Variants in CATSPERE observed in about 807,000 individuals in gnomAD.
CATSPERE encodes the protein cation channel sperm-associated auxiliary subunit epsilon.
A neutral mutation model predicts 114.1 loss-of-function variants in CATSPERE; 93 were observed. The ratio of observed to expected loss-of-function variants is 0.81; its 90% CI spans 0.69 to 0.97. The LOEUF (loss-of-function observed/expected upper bound fraction) is 0.97, where lower values mean the gene tolerates loss of function less well. Ranked by LOEUF, CATSPERE falls within the 50% of genes least tolerant of loss-of-function variation. CATSPERE has a pLI of 0.00. For synonymous variants in CATSPERE, 341 were observed against 384.1 expected, an observed-to-expected ratio of 0.89 and a Z score of 1.31; for missense variants, 1,058 against 1,131.6, an observed-to-expected ratio of 0.93 and a Z score of 0.93.
chr1:244,567,632 G>T (rs146324603), intron 10 of CATSPERE, among the ~76,000 whole-genome samples: 1 of 151,080 alleles, frequency 6.6e-6, no homozygotes, highest in South Asian at 2.1e-4. Context: ...CTGCTTGATC[G>T]ATTTGGCTAT....
In CATSPERE at chr1:244,573,029, C is replaced by T. The variant is rs1260099255; in HGVS notation, c.1950+257C>T. Among the ~76,000 whole-genome samples, 1 of 145,650 alleles carries T rather than the reference C, an allele frequency of 6.9e-6. No homozygotes were observed. Among genetic ancestry groups the T allele is most frequent in the African/African-American group, 2.5e-5 (1 of 39,912 alleles). On this transcript the variant is annotated intron_variant, in intron 11 of 21. Coordinates refer to ENST00000366534, the MANE Select transcript of CATSPERE (RefSeq NM_001130957.2). The surrounding 1 kb of genome is among the most constrained non-coding windows in gnomAD (Gnocchi z 4.0). ...TCAATTGTATTGTTCACTTCTTCTTCTTTTTTTTTTTAATGCATGGCTTTC... is the reference window on the plus strand; with the variant it reads ...TCAATTGTATTGTTCACTTCTTCTTTTTTTTTTTTTTAATGCATGGCTTTC...
At chr1:244,542,596 G>A (rs1020597595) in intron 8 of CATSPERE, among the ~76,000 whole-genome samples, 2 of 151,950 alleles carry the variant, frequency 1.3e-5, no homozygotes, top group Non-Finnish European at 2.9e-5. Context: ...TTGATTTTCT[G>A]TTTCTGAGTT....
At chr1:244,621,586 G>C (rs61842402) in intron 20 of CATSPERE, among the ~76,000 whole-genome samples, 16,642 of 151,462 alleles carry the variant, frequency 0.11, 991 homozygotes, top group South Asian at 0.14. Flanking sequence ...AAGAAAAGGA[G>C]AAACCACAAA....
rs534607126 is a variant in CATSPERE, at chr1:244,529,356, T to C, written c.536+10658T>C. Among the ~76,000 whole-genome samples, 3 of 152,342 alleles carry C rather than the reference T, an allele frequency of 2.0e-5. No homozygotes were observed. The East Asian group carries it at 5.8e-4, about 29-fold the overall frequency. The stretch of plus-strand genomic sequence containing the variant: ...TTGCCTGTCTTTTGGATGAAATCCA[T>C]CTTAACTGGGGTGAGATGATATTTC... On this transcript the variant is annotated intron_variant, in intron 8 of 21. Coordinates refer to ENST00000366534, the MANE Select transcript of CATSPERE (RefSeq NM_001130957.2).
intron 8 of CATSPERE, among the ~76,000 whole-genome samples, chr1:244,523,999 T>A (rs1237137052): frequency 6.7e-6 from 1 of 149,432 alleles, no homozygotes. Flanking sequence ...TTAAAGTTCA[T>A]ATGGAACCAA....
chr1:244,637,958 G>A (rs1008676696), intron 21 of CATSPERE, among the ~76,000 whole-genome samples: 8 of 152,080 alleles, frequency 5.3e-5, no homozygotes, highest in African/African-American at 1.9e-4. Context: ...TACAACAAAG[G>A]CAATATTATT....
chr1:244,527,730 A>T (rs547970680), intron 8 of CATSPERE, among the ~76,000 whole-genome samples: 1 of 152,288 alleles, frequency 6.6e-6, no homozygotes, highest in Admixed American at 6.5e-5. Flanking sequence ...AAAAATTATA[A>T]AAGTATTAAT....
rs937610978 is a variant in CATSPERE, at chr1:244,520,165, C to T, written c.536+1467C>T. Among the ~76,000 whole-genome samples, 7 of 151,800 alleles carry T rather than the reference C, an allele frequency of 4.6e-5. No homozygotes were observed. The East Asian group carries it at 1.3e-3, about 29-fold the overall frequency. On this transcript the variant is annotated intron_variant, in intron 8 of 21. Coordinates refer to ENST00000366534, the MANE Select transcript of CATSPERE (RefSeq NM_001130957.2). ...GAATTCCTAATTACCTGTTTTTTTC[C>T]TTTGGTTCTGTGTGCTTTGGGTGCC...
intron 11 of CATSPERE, among the ~76,000 whole-genome samples, chr1:244,578,155 T>C (rs1482045873): frequency 1.3e-5 from 2 of 152,016 alleles, no homozygotes; most frequent in East Asian, 3.9e-4. Flanking sequence ...TATTTGTTGG[T>C]TTGTTGGTTT....
chr1:244,587,382 C>G (rs749329207), intron 13 of CATSPERE, among the ~76,000 whole-genome samples: 9 of 152,174 alleles, frequency 5.9e-5, no homozygotes, highest in Non-Finnish European at 1.0e-4. Context: ...TGAGAGTTAG[C>G]CTTTTCCATA....
chr1:244,572,751 T>TG lies in CATSPERE; in HGVS notation c.1931dup (p.Tyr645IlefsTer17), dbSNP rs763344912. The TG allele has an allele frequency of 1.9e-5, 31 of 1,596,524 alleles. No individual in the cohort carries two copies. The African/African-American group carries it at 3.0e-4, about 15-fold the overall frequency. ...ATGAGATTTCCTTTGAAGCTGCCTTTGGATACTGCACCAAAACTCTGGTAA... is the reference window on the plus strand; with the variant it reads ...ATGAGATTTCCTTTGAAGCTGCCTTTGGGATACTGCACCAAAACTCTGGTAA... On this transcript the variant is annotated frameshift_variant, in exon 11 of 22. Coordinates refer to ENST00000366534, the MANE Select transcript of CATSPERE (RefSeq NM_001130957.2). LOFTEE classifies it high-confidence loss of function.
Position 244,477,969 on chromosome 1 carries a change from T to G in CATSPERE, c.252T>G (p.Thr84=). ...PGVHAIKPIV[T]GPDEEERYLF... is the part of the protein sequence containing the mutation. ...TTCACGCTATAAAACCAATTGTTACTGGCCCAGTAAGTTGTTTTAATGATA... is the reference window on the plus strand; with the variant it reads ...TTCACGCTATAAAACCAATTGTTACGGGCCCAGTAAGTTGTTTTAATGATA... The change falls in exon 4 of 22, where the codon ACT becomes ACG. Residue 84 remains threonine, a synonymous_variant. Transcript: ENST00000366534. 6.3e-7 allele frequency: 1 copy of G among 1,594,196 alleles called. No homozygotes were observed. The highest frequency in any genetic ancestry group is 8.6e-7 in the Non-Finnish European group (1 of 1,163,070).
chr1:244,624,756 C>T (rs1476393659), intron 20 of CATSPERE, among the ~76,000 whole-genome samples: 3 of 151,616 alleles, frequency 2.0e-5, no homozygotes, highest in Admixed American at 6.6e-5. Flanking sequence ...GAGCCGAGAT[C>T]GCACCACTGC....
intron 17 of CATSPERE, among the ~76,000 whole-genome samples, chr1:244,595,333 T>C (rs368781755): frequency 5.9e-5 from 9 of 152,224 alleles, no homozygotes; most frequent in Admixed American, 1.3e-4. Flanking sequence ...AGAGCGAGGC[T>C]CTGGGAAATG....
chr1:244,499,040 T>G lies in CATSPERE; in HGVS notation c.390T>G (p.Asp130Glu). ...TVWAYDPESA[D>E]PDELLGNAEE... ...GGGCATATGATCCAGAAAGTGCAGA[T>G]CCTGATGAGTTGCTGGGGAATGCAG... The change falls in exon 7 of 22, where the codon GAT (aspartate) becomes GAG (glutamate). Residue 130 changes from aspartate to glutamate, a missense_variant. This residue lies in a region of CATSPERE where 271 missense variants were observed against 225.9 expected (regional missense o/e 1.20). Coordinates refer to ENST00000366534, the MANE Select transcript of CATSPERE (RefSeq NM_001130957.2). The G allele has an allele frequency of 6.2e-7, 1 of 1,613,336 alleles. No individual in the cohort carries two copies.
chr1:244,543,561 T>A (rs1659215201), intron 8 of CATSPERE, among the ~76,000 whole-genome samples: 1 of 151,398 alleles, frequency 6.6e-6, no homozygotes, highest in Admixed American at 6.6e-5. Flanking sequence ...AGTTGTCAGA[T>A]TATTGTGTAT....
In CATSPERE at chr1:244,583,843, TG is replaced by T. The variant is rs1558540903; in HGVS notation, c.2010-20del. On this transcript the variant is annotated intron_variant, in intron 12 of 21. Coordinates refer to ENST00000366534, the MANE Select transcript of CATSPERE (RefSeq NM_001130957.2). ...CTGTCTCTCACATGATACAATAACC[TG>T]TACGAATTGTTTCTCCTAGAGACAA... 1.9e-6 allele frequency: 3 copies of T among 1,606,738 alleles called. No individual in the cohort carries two copies. The South Asian group carries it at 3.3e-5, about 18-fold the overall frequency.
intron 8 of CATSPERE, among the ~76,000 whole-genome samples, chr1:244,519,564 T>G (rs1235094320): frequency 6.6e-6 from 1 of 152,104 alleles, no homozygotes; most frequent in Non-Finnish European, 1.5e-5. Context: ...TTGAAGTTCA[T>G]TGGTGTGTCT....
At chr1:244,469,928 A>G (rs564356443) in intron 2 of CATSPERE, among the ~76,000 whole-genome samples, 234 of 152,274 alleles carry the variant, frequency 1.5e-3, no homozygotes, top group African/African-American at 5.5e-3. Flanking sequence ...CAGTCAGTTG[A>G]TTTTTGATAA....
Sources: allele counts gnomAD v4.1 joint callset (sites outside exome capture counted in the v4.1 genomes callset), GRCh38; gene constraint gnomAD v4.1.1; regional missense constraint gnomAD v4.1.1; non-coding constraint Gnocchi (gnomAD v3.1); transcripts MANE v1.5; gene names NCBI Gene and HGNC (gene_info 2026-07-23, HGNC 2026-07-21).